Variants in MINPP1 observed in about 807,000 individuals in gnomAD.
MINPP1 encodes multiple inositol-polyphosphate phosphatase 1.
MINPP1 carries 28 observed loss-of-function variants against 46.1 expected under a neutral mutation model. The ratio of observed to expected loss-of-function variants is 0.61; its 90% CI spans 0.45 to 0.83. The LOEUF (loss-of-function observed/expected upper bound fraction) is 0.83, where lower values mean the gene tolerates loss of function less well. MINPP1 is among the 40% of genes least tolerant of loss of function. MINPP1 has a pLI of 0.00. For synonymous variants in MINPP1, 268 were observed against 249.1 expected, an observed-to-expected ratio of 1.08 and a Z score of -0.72; for missense variants, 603 against 610.0, an observed-to-expected ratio of 0.99 and a Z score of 0.12.
chr10:87,507,958 G>T, intron 1 of MINPP1: 1 of 1,333,408 alleles, frequency 7.5e-7, no homozygotes. Flanking sequence ...TGAAAAAATA[G>T]ATTCCATATG....
intron 4 of MINPP1, among the ~76,000 whole-genome samples, chr10:87,540,612 T>G (rs891153630): frequency 6.6e-6 from 1 of 152,206 alleles, no homozygotes; most frequent in Admixed American, 6.5e-5. Flanking sequence ...AGACCAGCTT[T>G]GGTTTGTTGG....
chr10:87,506,192 A>G (rs1182034240), intron 1 of MINPP1, among the ~76,000 whole-genome samples: 1 of 151,890 alleles, frequency 6.6e-6, no homozygotes. Context: ...CACAAGCAGT[A>G]ACAACTCATT....
At chr10:87,542,844 G>A (rs930364677) in intron 4 of MINPP1, among the ~76,000 whole-genome samples, 4 of 152,106 alleles carry the variant, frequency 2.6e-5, no homozygotes, top group African/African-American at 7.2e-5. Context: ...TTGGTACCAA[G>A]GCATGGGGCA....
chr10:87,513,383 A>G (rs1851364416), intron 3 of MINPP1, among the ~76,000 whole-genome samples, 162 bp downstream of exon 3: 1 of 152,232 alleles, frequency 6.6e-6, no homozygotes, highest in Non-Finnish European at 1.5e-5. Flanking sequence ...AAGAGAGATT[A>G]AAGGTTCAAA....
At chr10:87,524,805 A>G (rs770049134) in intron 4 of MINPP1, among the ~76,000 whole-genome samples, 3 of 152,210 alleles carry the variant, frequency 2.0e-5, no homozygotes, top group Non-Finnish European at 2.9e-5. Flanking sequence ...AACATTTATC[A>G]GTTAAATTTA....
Position 87,511,211 on chromosome 10 carries a change from G to A in MINPP1, c.836-1913G>A, listed in dbSNP as rs993331715. On this transcript the variant is annotated intron_variant, in intron 2 of 4. Transcript: ENST00000371996. ...TTTAATTCTGCCTGACAAAGGATTC[G>A]CCCTTTGCTTGTTGTATGTTGCTAA... is the stretch of plus-strand genomic sequence containing the variant. Among the ~76,000 whole-genome samples the A allele has an allele frequency of 4.6e-5, 7 of 151,970 alleles. No homozygotes were observed. In the South Asian group the frequency reaches 1.0e-3, roughly 23 times the overall value.
intron 4 of MINPP1, among the ~76,000 whole-genome samples, chr10:87,535,091 A>G (rs898799173): frequency 5.9e-5 from 9 of 152,182 alleles, no homozygotes; most frequent in African/African-American, 2.2e-4. Flanking sequence ...TGGGAAAGTA[A>G]GTCATCTCTG....
intron 2 of MINPP1, among the ~76,000 whole-genome samples, chr10:87,512,568 T>C (rs972891739): frequency 1.5e-4 from 23 of 152,254 alleles, no homozygotes; most frequent in Admixed American, 1.4e-3. Context: ...AAATGTACTT[T>C]GTTATTTGTA....
In MINPP1 at chr10:87,516,156, A is replaced by G. The variant is rs1352403307; in HGVS notation, c.933+2935A>G. 2.9e-5 allele frequency among the ~76,000 whole-genome samples: 3 copies of G among 104,218 alleles called. 1 individual carries two copies. Among genetic ancestry groups the G allele is most frequent in the Admixed American group, 1.8e-4 (2 of 11,038 alleles). 68.4% of individuals were successfully genotyped at this position (104,218 alleles called of 152,430 possible). On this transcript the variant is annotated intron_variant, in intron 3 of 4. Coordinates refer to ENST00000371996, the MANE Select transcript of MINPP1 (RefSeq NM_004897.5). Reference sequence around the variant, plus strand: ...GAATGTTTTTTACAATTAAAAATTAATAGACATTTATGAAATTCTGAGATA... The same window carrying G: ...GAATGTTTTTTACAATTAAAAATTAGTAGACATTTATGAAATTCTGAGATA...
intron 1 of MINPP1, chr10:87,507,934 A>G: frequency 2.3e-6 from 3 of 1,286,606 alleles, no homozygotes; most frequent in Non-Finnish European, 3.0e-6. Context: ...CTCTGTTTAG[A>G]CTTTGGCTTA....
At chr10:87,541,247 G>GT (rs1851811608) in intron 4 of MINPP1, among the ~76,000 whole-genome samples, 1 of 152,096 alleles carries the variant, frequency 6.6e-6, no homozygotes, top group Non-Finnish European at 1.5e-5. Flanking sequence ...GGAGGCAGTT[G>GT]TTTTTTTATA....
intron 4 of MINPP1, among the ~76,000 whole-genome samples, chr10:87,528,964 T>C (rs145656311): frequency 6.6e-6 from 1 of 152,356 alleles, no homozygotes; most frequent in African/African-American, 2.4e-5. Flanking sequence ...CGTTATGTAA[T>C]GGCCTTCTTT....
At chr10:87,532,456 C>G (rs1851673930) in intron 4 of MINPP1, among the ~76,000 whole-genome samples, 1 of 152,210 alleles carries the variant, frequency 6.6e-6, no homozygotes. Flanking sequence ...GAGAGTTTGA[C>G]CCTTTAAGAC....
At chr10:87,510,215 C>T (rs539759796) in intron 2 of MINPP1, among the ~76,000 whole-genome samples, 19 of 152,260 alleles carry the variant, frequency 1.2e-4, no homozygotes, top group African/African-American at 4.3e-4. Flanking sequence ...TAGTACCTGG[C>T]GCAGTAATTG....
intron 4 of MINPP1, among the ~76,000 whole-genome samples, chr10:87,538,976 A>T (rs1851776164): frequency 6.6e-6 from 1 of 152,202 alleles, no homozygotes; most frequent in African/African-American, 2.4e-5. Context: ...TTGAACACAC[A>T]CATAGTTATC....
At chr10:87,515,216 G>A (rs896496029) in intron 3 of MINPP1, among the ~76,000 whole-genome samples, 13 of 151,728 alleles carry the variant, frequency 8.6e-5, no homozygotes, top group East Asian at 5.9e-4. Flanking sequence ...GTGAAACCCC[G>A]TCCATACTAA....
intron 4 of MINPP1, among the ~76,000 whole-genome samples, chr10:87,539,740 A>G (rs1851786680): frequency 6.6e-6 from 1 of 152,184 alleles, no homozygotes; most frequent in African/African-American, 2.4e-5. Context: ...TTTAGTACGA[A>G]GTTCCATTTT....
chr10:87,526,020 G>T (rs1395506400), intron 4 of MINPP1, among the ~76,000 whole-genome samples: 1 of 152,184 alleles, frequency 6.6e-6, no homozygotes, highest in Non-Finnish European at 1.5e-5. Flanking sequence ...AAACATACAT[G>T]TGCATGTATC....
chr10:87,511,343 A>G (rs1851331596), intron 2 of MINPP1, among the ~76,000 whole-genome samples: 1 of 151,794 alleles, frequency 6.6e-6, no homozygotes, highest in South Asian at 2.1e-4. Context: ...ATGGCTTCTG[A>G]GTGTTGTATT....
Sources: gnomAD v4.1 joint callset for allele counts (sites outside exome capture counted in the v4.1 genomes callset) on GRCh38, gnomAD v4.1.1 for gene constraint, MANE v1.5 for transcripts, NCBI Gene and HGNC (gene_info 2026-07-23, HGNC 2026-07-21) for gene names.